The following ZNF326 variants were observed in gnomAD, a reference collection of about 807,000 sequenced individuals.
ZNF326 encodes the protein DBIRD complex subunit ZNF326.
ZNF326 carries 30 observed loss-of-function variants against 63.1 expected under a neutral mutation model. That is an observed-to-expected ratio of 0.48 (90% CI 0.36 to 0.64). ZNF326 has a LOEUF of 0.64. ZNF326 is among the 30% of genes least tolerant of loss of function. The probability of loss-of-function intolerance (pLI) is 0.00; values close to 1 mark genes in which losing one functional copy is unlikely to be tolerated. For synonymous variants in ZNF326, 194 were observed against 228.2 expected, an observed-to-expected ratio of 0.85 and a Z score of 1.35; for missense variants, 609 against 720.3, an observed-to-expected ratio of 0.85 and a Z score of 1.77.
intron 10 of ZNF326, 150 bp from the exon 11 acceptor site, chr1:90,022,100 T>G (rs1432508374): frequency 1.4e-5 from 8 of 576,702 alleles, no homozygotes; most frequent in Non-Finnish European, 2.5e-5. Flanking sequence ...AGATTTAGAC[T>G]GTGGTTATAG....
At chr1:90,026,691 C>T (rs1650029178) in intron 11 of ZNF326, among the ~76,000 whole-genome samples, 2 of 152,156 alleles carry the variant, frequency 1.3e-5, no homozygotes, top group African/African-American at 2.4e-5. Context: ...ATTCCTGTGT[C>T]ATTCATCTTA....
chr1:90,023,742 A>C (rs1216361766), intron 11 of ZNF326, among the ~76,000 whole-genome samples: 1 of 152,252 alleles, frequency 6.6e-6, no homozygotes, highest in Non-Finnish European at 1.5e-5. Context: ...ATGCAAAATT[A>C]GAATTTCTAT....
intron 4 of ZNF326, among the ~76,000 whole-genome samples, chr1:90,006,861 G>A (rs2101062993): frequency 6.6e-6 from 1 of 152,266 alleles, no homozygotes; most frequent in South Asian, 2.1e-4. Flanking sequence ...AGATTATTGG[G>A]AGTGCAAAAG....
intron 1 of ZNF326, among the ~76,000 whole-genome samples, chr1:89,997,443 G>C (rs1342602744): frequency 1.3e-5 from 2 of 151,496 alleles, no homozygotes; most frequent in African/African-American, 4.9e-5. Context: ...GTGCAGTCTT[G>C]GCTCACTGCA....
At position 90,032,464 on chromosome 1, in the gene ZNF326, T is replaced by C. The variant is rs1400706155; in HGVS notation, c.*4763T>C. ...AAAATGGCATGCTTGATTCAAGTCA[T>C]TAAATTCTAAAGTTCTATTAAAATT... On this transcript the variant is annotated 3_prime_UTR_variant, in exon 12 of 12. Transcript: ENST00000340281. 1.3e-5 allele frequency: 2 copies of C among 152,170 alleles called. No homozygotes were observed. Among genetic ancestry groups the C allele is most frequent in the East Asian group, 3.8e-4 (2 of 5,200 alleles). 9.4% of individuals were successfully genotyped at this position (152,170 alleles called of 1,614,324 possible). A position where few individuals can be genotyped will look rare whatever the true frequency, so the allele number is the denominator to read the frequency against.
chr1:89,995,348 C>T, intron 1 of ZNF326, 75 bp downstream of exon 1: 1 of 1,497,062 alleles, frequency 6.7e-7, no homozygotes, highest in Non-Finnish European at 8.9e-7. Flanking sequence ...TGTTTACCGT[C>T]TCAAGATGGC....
intron 2 of ZNF326, among the ~76,000 whole-genome samples, chr1:90,000,798 A>G (rs1045831662): frequency 3.9e-5 from 6 of 152,166 alleles, no homozygotes; most frequent in African/African-American, 7.2e-5. Context: ...AATCAAAGAT[A>G]ATTTGCTTAT....
intron 2 of ZNF326, among the ~76,000 whole-genome samples, chr1:90,004,798 C>CTTTTTTTTTTTTTTTTTTT (rs34878438): frequency 1.5e-5 from 1 of 68,118 alleles, no homozygotes; most frequent in African/African-American, 5.9e-5. Context: ...AATATCAGGG[C>CTTTTTTTTTTTTTTTTTTT]TTTTTTTTTT....
chr1:90,006,185 A>G (rs1411543614), intron 4 of ZNF326: 7 of 985,322 alleles, frequency 7.1e-6, no homozygotes, highest in Non-Finnish European at 8.4e-6. Flanking sequence ...GAACAGTTGC[A>G]ACTATTTTGC....
chr1:90,010,370 T>C, intron 6 of ZNF326, 84 bp downstream of exon 6: 2 of 1,366,798 alleles, frequency 1.5e-6, no homozygotes, highest in Non-Finnish European at 2.0e-6. Flanking sequence ...TTTTCATGTT[T>C]ATATACAGAA....
chr1:89,998,896 A>G (rs918603450), intron 2 of ZNF326, among the ~76,000 whole-genome samples: 4 of 152,234 alleles, frequency 2.6e-5, no homozygotes, highest in Non-Finnish European at 5.9e-5. Context: ...TTCACAAAGT[A>G]AAACTGAAGC....
chr1:90,002,616 G>A (rs776557406), intron 2 of ZNF326, among the ~76,000 whole-genome samples: 2 of 152,172 alleles, frequency 1.3e-5, no homozygotes, highest in South Asian at 2.1e-4. Context: ...ATCTGGGACT[G>A]TGTTGTCCAG....
At chr1:90,005,608 TAAA>T (rs942412044) in intron 4 of ZNF326, 1 of 919,292 alleles carries the variant, frequency 1.1e-6, no homozygotes, top group Non-Finnish European at 1.3e-6. Context: ...TCTTAATAAT[TAAA>T]AAAAATCTTT....
Position 90,027,580 on chromosome 1 carries a change from A to G in ZNF326, c.1628A>G (p.Glu543Gly). 1.2e-6 allele frequency: 2 copies of G among 1,609,502 alleles called. No individual in the cohort carries two copies. The highest frequency in any genetic ancestry group is 1.7e-6 in the Non-Finnish European group (2 of 1,177,620). The part of the protein sequence containing the change: ...GNIQGVGEGG[E>G]VGVVGEVEGV... ...ATACAGGGAGTAGGGGAAGGAGGGG[A>G]AGTAGGGGTAGTGGGAGAAGTAGAG... Residue 543 changes from glutamate to glycine, a missense_variant, in exon 12 of 12, where the codon GAA becomes GGA. Physicochemically the swap from Glu to Gly is moderately conservative, Grantham distance 98. This residue lies in a region of ZNF326 where 399 missense variants were observed against 444.3 expected (regional missense o/e 0.90). Coordinates refer to ENST00000340281, the MANE Select transcript of ZNF326 (RefSeq NM_182976.4).
chr1:90,027,815 T>C lies in ZNF326; in HGVS notation c.*114T>C. The C allele has an allele frequency of 2.2e-6, 2 of 922,224 alleles. No individual in the cohort carries two copies. 57.1% of individuals were successfully genotyped at this position (922,224 alleles called of 1,614,324 possible). A position where few individuals can be genotyped will look rare whatever the true frequency, so the allele number is the denominator to read the frequency against. On this transcript the variant is annotated 3_prime_UTR_variant, in exon 12 of 12. Coordinates refer to ENST00000340281, the MANE Select transcript of ZNF326 (RefSeq NM_182976.4). ...ACACCCATGTTGCATGCATTCCACA[T>C]ATTAAAATTTGTTTTATATAATTTC...
intron 1 of ZNF326, among the ~76,000 whole-genome samples, chr1:89,995,880 C>T (rs932173645): frequency 6.6e-6 from 1 of 152,160 alleles, no homozygotes; most frequent in Non-Finnish European, 1.5e-5. Context: ...CAAAAATTAC[C>T]TGCTTATTAA....
At chr1:90,000,548 T>C (rs999113646) in intron 2 of ZNF326, among the ~76,000 whole-genome samples, 2 of 152,074 alleles carry the variant, frequency 1.3e-5, no homozygotes, top group African/African-American at 4.8e-5. Context: ...AAAAATTTTT[T>C]AAAAACATTA....
rs1230189695 is a variant in ZNF326, at chr1:90,005,127, T to C, written c.98-6T>C. ...ATATAACTTTTTTCTTTTTAAACTC[T>C]TATAGGGATGGATCGTGACTATGGC... On this transcript the variant is annotated splice_region_variant and splice_polypyrimidine_tract_variant and intron_variant, in intron 3 of 11. Coordinates refer to ENST00000340281, the MANE Select transcript of ZNF326 (RefSeq NM_182976.4). The C allele has an allele frequency of 6.2e-7, 1 of 1,614,064 alleles. No individual in the cohort carries two copies. The highest frequency in any genetic ancestry group is 8.5e-7 in the Non-Finnish European group (1 of 1,179,996).
At chr1:90,006,510 C>T (rs1648996194) in intron 4 of ZNF326, 1 of 979,930 alleles carries the variant, frequency 1.0e-6, no homozygotes, top group African/African-American at 1.7e-5. Flanking sequence ...TCTGTTAACT[C>T]TCTTAAAACC....
Sources: gnomAD v4.1 joint callset for allele counts (sites outside exome capture counted in the v4.1 genomes callset) on GRCh38, gnomAD v4.1.1 for gene constraint, gnomAD v4.1.1 regional missense constraint, MANE v1.5 for transcripts, NCBI Gene and HGNC (gene_info 2026-07-23, HGNC 2026-07-21) for gene names.